The following FN3KRP variants were observed in gnomAD, a reference collection of about 807,000 sequenced individuals.
The protein encoded by FN3KRP is fructosamine 3 kinase related protein, also known as ketosamine-3-kinase.
FN3KRP carries 33 observed loss-of-function variants against 29.8 expected under a neutral mutation model. The observed-to-expected ratio is 1.11, with a 90% CI of 0.84 to 1.48. FN3KRP has a LOEUF of 1.48. FN3KRP is among the 40% of genes most tolerant of loss of function. The pLI, the probability that FN3KRP is intolerant of heterozygous loss-of-function variation, is 0.00. For missense variants in FN3KRP, 430 were observed against 402.6 expected, an observed-to-expected ratio of 1.07 and a Z score of -0.58; for synonymous variants, 157 against 155.2, an observed-to-expected ratio of 1.01 and a Z score of -0.09.
At chr17:82,716,986 C>G in intron 1 of FN3KRP, 90 bp downstream of exon 1, 2 of 1,454,612 alleles carry the variant, frequency 1.4e-6, no homozygotes, top group Non-Finnish European at 1.8e-6. Context: ...GGGCTTCTCC[C>G]GCCGGAGGCC....
intron 4 of FN3KRP, among the ~76,000 whole-genome samples, chr17:82,724,648 C>T (rs1330486449): frequency 1.3e-5 from 2 of 151,658 alleles, no homozygotes; most frequent in African/African-American, 4.8e-5. Flanking sequence ...AAAGGTAGTA[C>T]AGTCAGATAT....
chr17:82,723,654 TACGCGTGTGC>T (rs1010968073), intron 4 of FN3KRP, among the ~76,000 whole-genome samples: 3 of 152,014 alleles, frequency 2.0e-5, no homozygotes, highest in Admixed American at 6.6e-5. Context: ...TGCATGTGTG[TACGCGTGTGC>T]GCGCACATGT....
intron 4 of FN3KRP, among the ~76,000 whole-genome samples, chr17:82,724,005 T>A (rs80052815): frequency 8.7e-4 from 132 of 152,006 alleles, no homozygotes; most frequent in African/African-American, 2.7e-3. Context: ...TTTTTTTTTT[T>A]AAATAAAAAA....
rs1422889308 is a variant in FN3KRP, at chr17:82,720,320, CAA to C, written c.343_344del (p.Lys115GlufsTer31). 1.2e-6 allele frequency: 2 copies of C among 1,612,632 alleles called. No homozygotes were observed. The highest frequency in any genetic ancestry group is 1.7e-6 in the Non-Finnish European group (2 of 1,179,382). On this transcript the variant is annotated frameshift_variant, in exon 3 of 6. Transcript: ENST00000269373. LOFTEE classifies it high-confidence loss of function. ...AGCTGGCCGATTTACACCTTGATAA[CAA>C]GAAGCTTGGAGAGATGCGCCTGAAG... ...AQLADLHLDN[K>X]KLGEMRLKEA... is the part of the protein sequence containing the mutation.
chr17:82,722,033 C>T (rs548004649), intron 3 of FN3KRP, among the ~76,000 whole-genome samples: 3 of 151,236 alleles, frequency 2.0e-5, no homozygotes, highest in Non-Finnish European at 4.4e-5. Context: ...GGGGTTTCTC[C>T]ATGTTGGTCA....
At position 82,722,820 on chromosome 17, in the gene FN3KRP, G is replaced by A. The variant is rs181065000; in HGVS notation, c.402G>A (p.Gln134=). The A allele has an allele frequency of 2.5e-6, 4 of 1,613,918 alleles. No homozygotes were observed. In the African/African-American group the frequency reaches 5.3e-5, roughly 22 times the overall value. Residue 134 remains glutamine, a synonymous_variant, in exon 4 of 6, where the codon CAG becomes CAA. Coordinates refer to ENST00000269373, the MANE Select transcript of FN3KRP (RefSeq NM_024619.4). ...GCTTGCAAGGGAGAGGAGGTGGGCA[G>A]GAGGAACGGCCCTTTGTGGCCCGGT... ...EAGTVGRGGG[Q]EERPFVARFG... is the part of the protein sequence containing the mutation.
intron 4 of FN3KRP, among the ~76,000 whole-genome samples, chr17:82,724,901 C>T (rs185084420): frequency 0.02 from 2,978 of 151,986 alleles, 126 homozygotes; most frequent in Admixed American, 0.1. Context: ...TTCCGCCTCC[C>T]AGGTTCACGC....
Position 82,727,468 on chromosome 17 carries a change from C to T in FN3KRP, c.*297C>T, listed in dbSNP as rs1011772238. 3.3e-6 allele frequency: 1 copy of T among 299,296 alleles called. No homozygotes were observed. Among genetic ancestry groups the T allele is most frequent in the Non-Finnish European group, 6.3e-6 (1 of 159,778 alleles). 18.5% of individuals were successfully genotyped at this position (299,296 alleles called of 1,614,324 possible). ...CAAGGTGGGGAAACTGTAAGTGAACCCCTGTGGGTGCGGGGGAGGGTATCC... is the reference window on the plus strand; with the variant it reads ...CAAGGTGGGGAAACTGTAAGTGAACTCCTGTGGGTGCGGGGGAGGGTATCC... On this transcript the variant is annotated 3_prime_UTR_variant, in exon 6 of 6. Transcript: ENST00000269373.
chr17:82,720,882 CA>C (rs2046793882), intron 3 of FN3KRP: 2 of 153,012 alleles, frequency 1.3e-5, no homozygotes, highest in African/African-American at 4.8e-5. Flanking sequence ...AACAGATCAC[CA>C]GGGGCCTGCT....
chr17:82,716,960 G>T (rs2046760028), intron 1 of FN3KRP, 64 bp downstream of exon 1: 4 of 1,510,104 alleles, frequency 2.6e-6, no homozygotes, highest in Non-Finnish European at 3.5e-6. Context: ...GCGGGCCTCG[G>T]CGCGGGGCGC....
At chr17:82,723,656 C>T (rs1037296050) in intron 4 of FN3KRP, among the ~76,000 whole-genome samples, 1 of 151,872 alleles carries the variant, frequency 6.6e-6, no homozygotes, top group South Asian at 2.1e-4. Flanking sequence ...CATGTGTGTA[C>T]GCGTGTGCGC....
chr17:82,719,134 G>T, intron 2 of FN3KRP, 77 bp downstream of exon 2: 1 of 1,299,554 alleles, frequency 7.7e-7, no homozygotes, highest in Non-Finnish European at 1.1e-6. Context: ...TATTATGTGT[G>T]TCTTCACACC....
chr17:82,719,313 A>C (rs745477331), intron 2 of FN3KRP, among the ~76,000 whole-genome samples: 8 of 152,214 alleles, frequency 5.3e-5, no homozygotes, highest in African/African-American at 9.6e-5. Context: ...TGATGACTGA[A>C]GCTTGTACTG....
In FN3KRP at chr17:82,718,505, C is replaced by T. The variant is rs1003031176; in HGVS notation, c.142-401C>T. 6.0e-6 allele frequency: 6 copies of T among 993,826 alleles called. No individual in the cohort carries two copies. The African/African-American group carries it at 1.0e-4, about 17-fold the overall frequency. 61.6% of individuals were successfully genotyped at this position (993,826 alleles called of 1,614,324 possible). On this transcript the variant is annotated intron_variant, in intron 1 of 5. Transcript: ENST00000269373. ...AGGGTGCCGCCTGCACCTGAGAGGT[C>T]GGGTGAGTCTGTGTCCTGTAGGTGG...
At chr17:82,723,291 T>C (rs1387221227) in intron 4 of FN3KRP, among the ~76,000 whole-genome samples, 1 of 152,164 alleles carries the variant, frequency 6.6e-6, no homozygotes, top group Non-Finnish European at 1.5e-5. Context: ...GCTCCTGTCC[T>C]GTCCTCGAGA....
At position 82,726,867 on chromosome 17, in the gene FN3KRP, TC is replaced by T; in HGVS notation, c.627del (p.Ile210SerfsTer14). 1 of 1,557,028 alleles carries T rather than the reference TC, an allele frequency of 6.4e-7. No individual in the cohort carries two copies. The highest frequency in any genetic ancestry group is 1.7e-4 in the Middle Eastern group (1 of 5,760). On this transcript the variant is annotated frameshift_variant, in exon 6 of 6. Transcript: ENST00000269373. LOFTEE classifies it high-confidence loss of function. ...KIPDLFRDLE[I>X]IPALLHGDLW... Reference sequence around the variant, plus strand: ...CCTGACCTGTTCCGTGACCTGGAGATCATCCCAGCCTTACTCCACGGGGACC... The same window carrying T: ...CCTGACCTGTTCCGTGACCTGGAGATATCCCAGCCTTACTCCACGGGGACC...
chr17:82,719,076 C>CCCCACCG lies in FN3KRP; in HGVS notation c.293+25_293+26insGCCCACC, dbSNP rs2143606689. Reference sequence around the variant, plus strand: ...TGAGCAGGTGCATCTTCACACCACCCCCCACCTGGCTTTATTACCTGAGCA... The same window carrying CCCCACCG: ...TGAGCAGGTGCATCTTCACACCACCCCCCACCGCCCACCTGGCTTTATTACCTGAGCA... On this transcript the variant is annotated intron_variant, in intron 2 of 5. Transcript: ENST00000269373. The CCCCACCG allele has an allele frequency of 1.3e-6, 2 of 1,592,816 alleles. No individual in the cohort carries two copies. The highest frequency in any genetic ancestry group is 1.7e-6 in the Non-Finnish European group (2 of 1,164,496).
In FN3KRP at chr17:82,716,763, A is replaced by T; in HGVS notation, c.8A>T (p.Glu3Val). The T allele has an allele frequency of 6.6e-7, 1 of 1,513,106 alleles. No homozygotes were observed. Among genetic ancestry groups the T allele is most frequent in the Middle Eastern group, 1.9e-4 (1 of 5,224 alleles). 93.7% of individuals were successfully genotyped at this position (1,513,106 alleles called of 1,614,324 possible). MEELLRRELGCSS... is the reference protein window; with the variant it reads MEVLLRRELGCSS... ...CGCGGCCGCGGCGGGAACATGGAGG[A>T]GCTCCTGAGGCGCGAGCTGGGCTGC... is the stretch of plus-strand genomic sequence containing the variant. Residue 3 changes from glutamate to valine, a missense_variant, in exon 1 of 6, where the codon GAG becomes GTG. Transcript: ENST00000269373.
chr17:82,723,654 T>C lies in FN3KRP; in HGVS notation c.468+768T>C, dbSNP rs1191200899. ...GTGTGCACACGTGTGTGCATGTGTG[T>C]ACGCGTGTGCGCGCACATGTATGTG... On this transcript the variant is annotated intron_variant, in intron 4 of 5. Transcript: ENST00000269373. 9.9e-5 allele frequency among the ~76,000 whole-genome samples: 15 copies of C among 152,138 alleles called. No individual in the cohort carries two copies. The East Asian group carries it at 2.5e-3, about 25-fold the overall frequency.
Sources: gnomAD v4.1 joint callset for allele counts (sites outside exome capture counted in the v4.1 genomes callset) on GRCh38, gnomAD v4.1.1 for gene constraint, MANE v1.5 for transcripts, NCBI Gene and HGNC (gene_info 2026-07-23, HGNC 2026-07-21) for gene names.